The following SH3GL2 variants were observed in gnomAD, a reference collection of about 807,000 sequenced individuals.
SH3GL2 encodes the protein endophilin-A1.
A neutral mutation model predicts 46.0 loss-of-function variants in SH3GL2; 24 were observed. The ratio of observed to expected loss-of-function variants is 0.52; its 90% CI spans 0.38 to 0.73. The LOEUF (loss-of-function observed/expected upper bound fraction) is 0.73. Ranked by LOEUF, SH3GL2 falls within the 30% of genes least tolerant of loss-of-function variation. SH3GL2 has a pLI of 0.00. For missense variants in SH3GL2, 413 were observed against 424.2 expected, an observed-to-expected ratio of 0.97 and a Z score of 0.23; for synonymous variants, 196 against 147.1, an observed-to-expected ratio of 1.33 and a Z score of -2.40.
intron 1 of SH3GL2, among the ~76,000 whole-genome samples, chr9:17,698,859 TA>T (rs1036734772): frequency 2.6e-5 from 4 of 152,028 alleles, no homozygotes; most frequent in African/African-American, 9.7e-5. Context: ...TGCAAATTAT[TA>T]AAAAATCAAA....
chr9:17,788,146 G>T lies in SH3GL2; in HGVS notation c.465+633G>T, dbSNP rs73424582. 4.8e-3 allele frequency among the ~76,000 whole-genome samples: 729 copies of T among 152,036 alleles called. 9 individuals are homozygous for T. Among genetic ancestry groups the T allele is most frequent in the African/African-American group, 0.017 (703 of 41,464 alleles). On this transcript the variant is annotated intron_variant, in intron 5 of 8. Transcript: ENST00000380607. ...ATTTGTTGAGCTTTTTTGAAACTTT[G>T]TTGGGTGTAAAATGGATTGCCATAA...
chr9:17,628,409 TGG>T (rs895044829), intron 1 of SH3GL2, among the ~76,000 whole-genome samples: 2 of 103,908 alleles, frequency 1.9e-5, no homozygotes, highest in Non-Finnish European at 3.8e-5. Context: ...AACTATATCT[TGG>T]GTGTGTGTGT....
chr9:17,761,656 AC>A, intron 3 of SH3GL2, 147 bp downstream of exon 3: 1 of 738,062 alleles, frequency 1.4e-6, no homozygotes, highest in Admixed American at 1.9e-5. Context: ...CATGGATAGC[AC>A]ATTTTAACTG....
At chr9:17,716,810 T>A (rs1821772475) in intron 1 of SH3GL2, among the ~76,000 whole-genome samples, 2 of 152,106 alleles carry the variant, frequency 1.3e-5, no homozygotes, top group African/African-American at 4.8e-5. Flanking sequence ...ACCTGGAAAA[T>A]CTCTCAAAGC....
At chr9:17,692,643 C>A (rs1234703500) in intron 1 of SH3GL2, among the ~76,000 whole-genome samples, 5 of 147,984 alleles carry the variant, frequency 3.4e-5, no homozygotes, top group Admixed American at 6.7e-5. Context: ...GACTCCATCT[C>A]AAAAAAAAAA....
chr9:17,633,278 C>G (rs901849106), intron 1 of SH3GL2, among the ~76,000 whole-genome samples: 3 of 152,126 alleles, frequency 2.0e-5, no homozygotes, highest in African/African-American at 7.2e-5. Flanking sequence ...CAGGAGTGGA[C>G]TAGAAATCAG....
intron 1 of SH3GL2, among the ~76,000 whole-genome samples, chr9:17,716,095 A>G (rs979667295): frequency 1.3e-5 from 2 of 151,274 alleles, no homozygotes; most frequent in East Asian, 1.9e-4. Flanking sequence ...CTACATCTCT[A>G]TTTAACTTTT....
chr9:17,698,570 T>G (rs1821265514), intron 1 of SH3GL2, among the ~76,000 whole-genome samples: 1 of 152,106 alleles, frequency 6.6e-6, no homozygotes. Flanking sequence ...TATGAAGAGA[T>G]AAAATTCCAT....
chr9:17,681,277 G>C (rs565744406), intron 1 of SH3GL2, among the ~76,000 whole-genome samples: 63 of 152,300 alleles, frequency 4.1e-4, no homozygotes, highest in African/African-American at 1.5e-3. Flanking sequence ...TAATCAGTAT[G>C]TGGTGGAAGA....
intron 1 of SH3GL2, among the ~76,000 whole-genome samples, chr9:17,717,444 C>T (rs1007389864): frequency 6.6e-6 from 1 of 151,958 alleles, no homozygotes; most frequent in Non-Finnish European, 1.5e-5. Context: ...CTTTTGCCCT[C>T]TTCCTTCCCA....
intron 1 of SH3GL2, among the ~76,000 whole-genome samples, chr9:17,668,476 T>A (rs1490423069): frequency 6.6e-6 from 1 of 152,200 alleles, no homozygotes; most frequent in Non-Finnish European, 1.5e-5. Context: ...CTTATGATTT[T>A]TTTTGGCCAT....
At chr9:17,697,298 A>G (rs900001585) in intron 1 of SH3GL2, among the ~76,000 whole-genome samples, 1 of 150,806 alleles carries the variant, frequency 6.6e-6, no homozygotes, top group African/African-American at 2.4e-5. Context: ...ATCTCGGCTC[A>G]CTGCAAACTC....
intron 1 of SH3GL2, among the ~76,000 whole-genome samples, chr9:17,673,817 C>T (rs1185151650): frequency 2.0e-5 from 3 of 152,174 alleles, no homozygotes; most frequent in African/African-American, 7.2e-5. Context: ...CAAGACTTTG[C>T]TCTGGCTTTT....
intron 3 of SH3GL2, among the ~76,000 whole-genome samples, chr9:17,766,433 A>G (rs1370806949): frequency 1.3e-5 from 2 of 152,260 alleles, no homozygotes; most frequent in Admixed American, 1.3e-4. Flanking sequence ...TTTGTGAGCA[A>G]AAATCACTGA....
intron 1 of SH3GL2, among the ~76,000 whole-genome samples, chr9:17,608,026 A>G (rs1233864909): frequency 1.3e-5 from 2 of 152,164 alleles, no homozygotes; most frequent in African/African-American, 2.4e-5. Context: ...TCATCTGTTC[A>G]AATGAAAATG....
chr9:17,631,508 A>G (rs1819420904), intron 1 of SH3GL2, among the ~76,000 whole-genome samples: 1 of 152,152 alleles, frequency 6.6e-6, no homozygotes. Context: ...TGTACATGGA[A>G]AATATAAGGA....
intron 1 of SH3GL2, among the ~76,000 whole-genome samples, chr9:17,741,322 G>A (rs35004355): frequency 0.12 from 18,434 of 152,110 alleles, 1,248 homozygotes; most frequent in African/African-American, 0.17. Context: ...GCAAATATGT[G>A]CATATGCATA....
intron 1 of SH3GL2, among the ~76,000 whole-genome samples, chr9:17,698,417 C>A (rs549101831): frequency 6.6e-6 from 1 of 152,238 alleles, no homozygotes; most frequent in South Asian, 2.1e-4. Flanking sequence ...GGATGGATAT[C>A]TCGGTATCTG....
intron 1 of SH3GL2, among the ~76,000 whole-genome samples, chr9:17,725,253 G>C (rs1821992092): frequency 6.6e-6 from 1 of 152,038 alleles, no homozygotes; most frequent in Admixed American, 6.6e-5. Flanking sequence ...CATTCCACTC[G>C]ATTTACTCCT....
Sources: allele counts gnomAD v4.1 joint callset (sites outside exome capture counted in the v4.1 genomes callset), GRCh38; gene constraint gnomAD v4.1.1; transcripts MANE v1.5; gene names NCBI Gene and HGNC (gene_info 2026-07-23, HGNC 2026-07-21).